Variants in SUGCT observed in about 807,000 individuals in gnomAD.
The protein encoded by SUGCT is succinyl-CoA:glutarate CoA-transferase.
A neutral mutation model predicts 55.0 loss-of-function variants in SUGCT; 41 were observed. The ratio of observed to expected loss-of-function variants is 0.74; its 90% CI spans 0.58 to 0.97. The LOEUF (loss-of-function observed/expected upper bound fraction) is 0.97, where lower values mean the gene tolerates loss of function less well. SUGCT is among the 50% of genes least tolerant of loss of function. SUGCT has a pLI of 0.00. For synonymous variants in SUGCT, 187 were observed against 200.4 expected, an observed-to-expected ratio of 0.93 and a Z score of 0.56; for missense variants, 568 against 547.8, an observed-to-expected ratio of 1.04 and a Z score of -0.37.
intron 9 of SUGCT, among the ~76,000 whole-genome samples, chr7:40,427,984 T>C (rs1399419789): frequency 6.6e-6 from 1 of 152,180 alleles, no homozygotes; most frequent in East Asian, 1.9e-4. Flanking sequence ...GAATGTTCTA[T>C]TCGAGATTGA....
chr7:40,260,382 T>C (rs1791142319), intron 7 of SUGCT, among the ~76,000 whole-genome samples: 1 of 152,200 alleles, frequency 6.6e-6, no homozygotes, highest in Non-Finnish European at 1.5e-5. Context: ...TGTATATGAA[T>C]TTGGAATCTT....
At chr7:41,033,741 C>G in the SUGCT span, among the ~76,000 whole-genome samples, 19 of 152,008 alleles carry the variant, frequency 1.2e-4, no homozygotes, top group African/African-American at 4.6e-4. Flanking sequence ...AACAAGCACC[C>G]AAATGTTTTG....
At chr7:40,166,380 A>G (rs1784424162) in intron 1 of SUGCT, among the ~76,000 whole-genome samples, 1 of 152,172 alleles carries the variant, frequency 6.6e-6, no homozygotes, top group Non-Finnish European at 1.5e-5. Context: ...TTTGACTTAA[A>G]TATACTCTAG....
chr7:40,513,567 T>C (rs527857627), intron 12 of SUGCT, among the ~76,000 whole-genome samples: 56 of 152,128 alleles, frequency 3.7e-4, no homozygotes, highest in Non-Finnish European at 6.9e-4. Flanking sequence ...AGGACCTACC[T>C]AACCTCAGGG....
chr7:40,580,773 T>C (rs1797044439), intron 12 of SUGCT, among the ~76,000 whole-genome samples: 1 of 152,320 alleles, frequency 6.6e-6, no homozygotes, highest in Admixed American at 6.5e-5. Context: ...TACTGTACTT[T>C]TTTATGTTTA....
At chr7:40,634,569 A>G (rs1799939723) in intron 12 of SUGCT, among the ~76,000 whole-genome samples, 1 of 152,186 alleles carries the variant, frequency 6.6e-6, no homozygotes, top group African/African-American at 2.4e-5. Context: ...CAAACTATCC[A>G]CTACAGGTAG....
chr7:40,332,520 A>G (rs1307182070), intron 9 of SUGCT, among the ~76,000 whole-genome samples: 1 of 151,734 alleles, frequency 6.6e-6, no homozygotes, highest in Admixed American at 6.6e-5. Flanking sequence ...ATGCATCTCA[A>G]GAAACTTTAG....
the SUGCT span, among the ~76,000 whole-genome samples, chr7:41,033,364 A>G: frequency 6.6e-6 from 1 of 152,064 alleles, no homozygotes; most frequent in Non-Finnish European, 1.5e-5. Context: ...ATGATGCTGT[A>G]TGGCCATTTA....
intron 9 of SUGCT, among the ~76,000 whole-genome samples, chr7:40,430,518 T>C (rs971418264): frequency 4.6e-5 from 7 of 152,326 alleles, no homozygotes; most frequent in African/African-American, 1.2e-4. Flanking sequence ...CAGGTTGTTT[T>C]CCATTATTGA....
At chr7:40,357,193 A>G (rs1269933527) in intron 9 of SUGCT, among the ~76,000 whole-genome samples, 1 of 152,028 alleles carries the variant, frequency 6.6e-6, no homozygotes, top group South Asian at 2.1e-4. Flanking sequence ...AAATTTTATA[A>G]TTTTTCTGAC....
the SUGCT span, among the ~76,000 whole-genome samples, chr7:41,007,471 G>A: frequency 6.6e-6 from 1 of 152,144 alleles, no homozygotes; most frequent in African/African-American, 2.4e-5. Flanking sequence ...TCTGACTCTG[G>A]CCAAGAGTAT....
chr7:40,540,432 C>T (rs1322540292), intron 12 of SUGCT, among the ~76,000 whole-genome samples: 2 of 152,214 alleles, frequency 1.3e-5, no homozygotes, highest in South Asian at 2.1e-4. Flanking sequence ...TTTCTAGTTA[C>T]CATGCCATGT....
In SUGCT at chr7:40,426,367, A is replaced by G. The variant is rs944068015; in HGVS notation, c.817-22920A>G. 5.9e-5 allele frequency among the ~76,000 whole-genome samples: 9 copies of G among 152,290 alleles called. No individual in the cohort carries two copies. In the East Asian group the frequency reaches 1.7e-3, roughly 29 times the overall value. On this transcript the variant is annotated intron_variant, in intron 9 of 13. Coordinates refer to ENST00000335693, the MANE Select transcript of SUGCT (RefSeq NM_001193313.2). ...TATCTCAGACTTACCAGGCTCTAAG[A>G]CAAATTTCAGTGACCCTATCCTGAT...
At chr7:40,772,798 T>C (rs1332186267) in intron 13 of SUGCT, among the ~76,000 whole-genome samples, 1 of 151,984 alleles carries the variant, frequency 6.6e-6, no homozygotes, top group African/African-American at 2.4e-5. Flanking sequence ...AACCAGCTGA[T>C]TTTTTCAGTA....
intron 11 of SUGCT, among the ~76,000 whole-genome samples, chr7:40,492,258 A>G (rs557846976): frequency 3.7e-4 from 56 of 152,302 alleles, no homozygotes; most frequent in Non-Finnish European, 6.2e-4. Context: ...TAAAAGGGTT[A>G]GGAATGTCTA....
intron 8 of SUGCT, among the ~76,000 whole-genome samples, chr7:40,314,307 G>A (rs1460305551): frequency 6.6e-6 from 1 of 152,174 alleles, no homozygotes; most frequent in Non-Finnish European, 1.5e-5. Flanking sequence ...TTTGAAATTA[G>A]AGAAGTAGAA....
At chr7:40,999,010 A>G in the SUGCT span, among the ~76,000 whole-genome samples, 1 of 152,204 alleles carries the variant, frequency 6.6e-6, no homozygotes, top group Non-Finnish European at 1.5e-5. Flanking sequence ...TATATACCCA[A>G]TGCAAATATA....
chr7:40,390,744 A>T (rs1174872991), intron 9 of SUGCT, among the ~76,000 whole-genome samples: 1 of 152,202 alleles, frequency 6.6e-6, no homozygotes, highest in Non-Finnish European at 1.5e-5. Flanking sequence ...ATCCCCATCA[A>T]GCTACCAATG....
the SUGCT span, among the ~76,000 whole-genome samples, chr7:41,023,751 AT>A: frequency 0.014 from 2,050 of 150,244 alleles, 45 homozygotes; most frequent in African/African-American, 0.046. Flanking sequence ...CTGGGAAGGG[AT>A]TTTTTTTTTC....
Sources: gnomAD v4.1 joint callset for allele counts (sites outside exome capture counted in the v4.1 genomes callset) on GRCh38, gnomAD v4.1.1 for gene constraint, MANE v1.5 for transcripts, NCBI Gene and HGNC (gene_info 2026-07-23, HGNC 2026-07-21) for gene names.